The following KCNH8 variants were observed in gnomAD, a reference collection of about 807,000 sequenced individuals.
KCNH8 encodes potassium voltage-gated channel subfamily H member 8.
In KCNH8, 70 loss-of-function variants were observed where a neutral mutation model predicts 103.6. The ratio of observed to expected loss-of-function variants is 0.68; its 90% CI spans 0.56 to 0.82. KCNH8 has a LOEUF of 0.82. KCNH8 is among the 40% of genes least tolerant of loss of function. The pLI, the probability that KCNH8 is intolerant of heterozygous loss-of-function variation, is 0.00. For synonymous variants in KCNH8, 498 were observed against 489.4 expected, an observed-to-expected ratio of 1.02 and a Z score of -0.23; for missense variants, 1,217 against 1,329.9, an observed-to-expected ratio of 0.92 and a Z score of 1.32.
At chr3:19,258,945 C>CTATATATATATA (rs1165506732) in intron 2 of KCNH8, among the ~76,000 whole-genome samples, 11 of 42,254 alleles carry the variant, frequency 2.6e-4, no homozygotes, top group Non-Finnish European at 3.7e-4. Context: ...CTCTCTCTCT[C>CTATATATATATA]TCTATATATA....
chr3:19,508,779 A>G (rs914441079), intron 11 of KCNH8, among the ~76,000 whole-genome samples: 2 of 152,300 alleles, frequency 1.3e-5, no homozygotes, highest in South Asian at 4.1e-4. Flanking sequence ...TAAGTAATTC[A>G]TGTGCACATA....
intron 1 of KCNH8, among the ~76,000 whole-genome samples, chr3:19,227,875 G>A (rs1351039095): frequency 6.6e-6 from 1 of 152,138 alleles, no homozygotes; most frequent in Non-Finnish European, 1.5e-5. Context: ...GTGAAAAGAT[G>A]TTTCCAGGGG....
At chr3:19,241,792 T>C (rs1005527847) in intron 1 of KCNH8, among the ~76,000 whole-genome samples, 2 of 152,034 alleles carry the variant, frequency 1.3e-5, no homozygotes, top group Non-Finnish European at 2.9e-5. Context: ...GGAGAAAGTA[T>C]ACAGTTGAGT....
chr3:19,174,202 T>C (rs973517772), intron 1 of KCNH8, among the ~76,000 whole-genome samples: 1 of 152,088 alleles, frequency 6.6e-6, no homozygotes, highest in Admixed American at 6.6e-5. Flanking sequence ...CAGAAATGGA[T>C]TTCTTCCCTT....
At chr3:19,305,727 A>C (rs1464692852) in intron 3 of KCNH8, among the ~76,000 whole-genome samples, 1 of 152,142 alleles carries the variant, frequency 6.6e-6, no homozygotes, top group Non-Finnish European at 1.5e-5. Flanking sequence ...AACTCCAAAG[A>C]AAACAAAAAC....
chr3:19,233,952 G>C (rs754332273), intron 1 of KCNH8, among the ~76,000 whole-genome samples: 1 of 152,188 alleles, frequency 6.6e-6, no homozygotes, highest in African/African-American at 2.4e-5. Context: ...CATAAAGGCA[G>C]TGTGGAGCCA....
chr3:19,324,093 C>T (rs2065388160), intron 3 of KCNH8, among the ~76,000 whole-genome samples: 1 of 151,992 alleles, frequency 6.6e-6, no homozygotes, highest in African/African-American at 2.4e-5. Flanking sequence ...TCTTCGGCTA[C>T]CAGGGTGGGT....
chr3:19,338,538 A>G (rs1319116356), intron 3 of KCNH8, among the ~76,000 whole-genome samples: 1 of 152,076 alleles, frequency 6.6e-6, no homozygotes, highest in Non-Finnish European at 1.5e-5. Context: ...ATAGTATTAC[A>G]AATCATTATA....
At chr3:19,181,689 A>T (rs1443290401) in intron 1 of KCNH8, among the ~76,000 whole-genome samples, 1 of 152,220 alleles carries the variant, frequency 6.6e-6, no homozygotes, top group Non-Finnish European at 1.5e-5. Context: ...AAACAAATTT[A>T]AAAAATCAAC....
rs138917769 is a variant in KCNH8, at chr3:19,488,089, T to C, written c.2041-22274T>C. On this transcript the variant is annotated intron_variant, in intron 11 of 15. Transcript: ENST00000328405. ...TTCAGCCCAGTCCCCTTCAGTCTAA[T>C]AGCCCTTCAGCCAGATTGAACAAAG... Among the ~76,000 whole-genome samples, 545 of 152,336 alleles carry C rather than the reference T, an allele frequency of 3.6e-3. 3 individuals are homozygous for C. The highest frequency in any genetic ancestry group is 0.012 in the African/African-American group (515 of 41,586).
intron 15 of KCNH8, among the ~76,000 whole-genome samples, chr3:19,527,626 C>T (rs1050593322): frequency 6.6e-6 from 1 of 152,042 alleles, no homozygotes; most frequent in Non-Finnish European, 1.5e-5. Flanking sequence ...TCTAAACCAA[C>T]AGAAGTTCTG....
At chr3:19,164,135 A>G (rs1460233216) in intron 1 of KCNH8, among the ~76,000 whole-genome samples, 1 of 152,182 alleles carries the variant, frequency 6.6e-6, no homozygotes, top group Non-Finnish European at 1.5e-5. Context: ...TTCATATGCT[A>G]GAAACATTGA....
intron 3 of KCNH8, among the ~76,000 whole-genome samples, chr3:19,282,544 A>T (rs2064771731): frequency 6.6e-6 from 1 of 152,210 alleles, no homozygotes; most frequent in African/African-American, 2.4e-5. Context: ...ATGTGTGGAT[A>T]AATAGAAATA....
chr3:19,171,488 C>T (rs762579332), intron 1 of KCNH8, among the ~76,000 whole-genome samples: 5 of 152,062 alleles, frequency 3.3e-5, no homozygotes, highest in Non-Finnish European at 7.4e-5. Flanking sequence ...AAGTTGTCAT[C>T]TTTTAAGGGT....
At position 19,249,047 on chromosome 3, in the gene KCNH8, A is replaced by T. The variant is rs193094377; in HGVS notation, c.77-4607A>T. The stretch of plus-strand genomic sequence containing the variant: ...CACTTTCAAACTGAATATATATATA[A>T]AAATTACCTAGAAACAAGCAGAGAA... On this transcript the variant is annotated intron_variant, in intron 1 of 15. Coordinates refer to ENST00000328405, the MANE Select transcript of KCNH8 (RefSeq NM_144633.3). Among the ~76,000 whole-genome samples the T allele has an allele frequency of 1.0e-3, 158 of 152,286 alleles. 1 individual carries two copies. Among genetic ancestry groups the T allele is most frequent in the African/African-American group, 3.0e-3 (123 of 41,554 alleles).
At chr3:19,516,615 TTCATCCACATA>T (rs1473483274) in intron 14 of KCNH8, among the ~76,000 whole-genome samples, 1 of 151,966 alleles carries the variant, frequency 6.6e-6, no homozygotes, top group Non-Finnish European at 1.5e-5. Context: ...AACTCACCAT[TTCATCCACATA>T]TTTCTAGTCC....
At chr3:19,200,723 A>G (rs949786418) in intron 1 of KCNH8, among the ~76,000 whole-genome samples, 8 of 152,202 alleles carry the variant, frequency 5.3e-5, no homozygotes, top group Middle Eastern at 3.4e-3. Context: ...GCTTTGACCT[A>G]TGAATCTCCC....
chr3:19,404,835 T>G (rs929653870), intron 7 of KCNH8, among the ~76,000 whole-genome samples: 1 of 151,954 alleles, frequency 6.6e-6, no homozygotes, highest in Admixed American at 6.6e-5. Context: ...TTATTTCCAC[T>G]AATTAAATAT....
chr3:19,184,823 G>A (rs958257095), intron 1 of KCNH8, among the ~76,000 whole-genome samples: 1 of 151,898 alleles, frequency 6.6e-6, no homozygotes, highest in Non-Finnish European at 1.5e-5. Context: ...GCAAATGCCT[G>A]AGGTCTAGAC....
Sources: allele counts gnomAD v4.1 joint callset (sites outside exome capture counted in the v4.1 genomes callset), GRCh38; gene constraint gnomAD v4.1.1; transcripts MANE v1.5; gene names NCBI Gene and HGNC (gene_info 2026-07-23, HGNC 2026-07-21).